The following MTMR6 variants were observed in gnomAD, a reference collection of about 807,000 sequenced individuals.
MTMR6 encodes the protein myotubularin related protein 6, also known as phosphatidylinositol-3,5-bisphosphate 3-phosphatase MTMR6.
MTMR6 carries 47 observed loss-of-function variants against 80.1 expected under a neutral mutation model. That is an observed-to-expected ratio of 0.59 (90% CI 0.46 to 0.75). The LOEUF is 0.75. MTMR6 is among the 30% of genes least tolerant of loss of function. The pLI is 0.00. For synonymous variants in MTMR6, 254 were observed against 253.0 expected (o/e 1.00, Z -0.04); for missense variants, 629 against 730.9 (o/e 0.86, Z 1.61).
At chr13:25,273,997 C>T in intron 2 of MTMR6, 74 bp downstream of exon 2, 2 of 1,074,938 alleles carry the variant, frequency 1.9e-6, no homozygotes, top group South Asian at 3.0e-5. Flanking sequence ...TTGTGTTATA[C>T]ACATTCAAAA....
At chr13:25,252,158 T>C (rs1957103472) in intron 11 of MTMR6, among the ~76,000 whole-genome samples, 174 bp from the exon 12 acceptor site, 1 of 152,242 alleles carries the variant, frequency 6.6e-6, no homozygotes, top group African/African-American at 2.4e-5. Context: ...ATTCTCCTTT[T>C]TCATTCATAA....
chr13:25,258,488 T>C, intron 7 of MTMR6, 72 bp downstream of exon 7: 4 of 1,353,428 alleles, frequency 3.0e-6, no homozygotes, highest in Non-Finnish European at 3.0e-6. Flanking sequence ...CACTGGAAAA[T>C]TCTAAATTAC....
intron 3 of MTMR6, 22 bp downstream of exon 3, chr13:25,267,756 GC>G: frequency 6.3e-7 from 1 of 1,598,870 alleles, no homozygotes; most frequent in South Asian, 1.1e-5. Flanking sequence ...GAGCATGTAA[GC>G]TTTGGTCTCT....
At chr13:25,252,254 C>A (rs947783378) in intron 11 of MTMR6, among the ~76,000 whole-genome samples, 21 of 152,286 alleles carry the variant, frequency 1.4e-4, no homozygotes, top group Non-Finnish European at 2.8e-4. Context: ...TTCCTCTCAA[C>A]TCACACAATT....
intron 2 of MTMR6, among the ~76,000 whole-genome samples, chr13:25,270,944 G>T (rs1006216433): frequency 6.6e-6 from 1 of 152,014 alleles, no homozygotes; most frequent in African/African-American, 2.4e-5. Flanking sequence ...TATGATTTAC[G>T]CCACTACTAT....
At chr13:25,283,626 T>C (rs1242770439) in intron 1 of MTMR6, among the ~76,000 whole-genome samples, 1 of 152,186 alleles carries the variant, frequency 6.6e-6, no homozygotes, top group East Asian at 1.9e-4. Context: ...ATTTGGGCCT[T>C]AGTAGGATCA....
At chr13:25,273,572 C>T (rs989305451) in intron 2 of MTMR6, among the ~76,000 whole-genome samples, 4 of 148,110 alleles carry the variant, frequency 2.7e-5, no homozygotes, top group African/African-American at 1.0e-4. Flanking sequence ...GTCACCCAGG[C>T]TGGAGTGCAA....
Position 25,265,836 on chromosome 13 carries a change from A to C in MTMR6, c.574T>G (p.Tyr192Asp). The C allele has an allele frequency of 6.2e-7, 1 of 1,613,834 alleles. No individual in the cohort carries two copies. Among genetic ancestry groups the C allele is most frequent in the Non-Finnish European group, 8.5e-7 (1 of 1,179,726 alleles). ...CATCCTACCTCCTTATCTTGATGATAGTAGGAAAGAACTGGGAATCTTCCC... is the reference window on the plus strand; with the variant it reads ...CATCCTACCTCCTTATCTTGATGATCGTAGGAAAGAACTGGGAATCTTCCC... ...SKGRFPVLSYYHQDKEAAICR... is the reference protein window; with the variant it reads ...SKGRFPVLSYDHQDKEAAICR... The change falls in exon 5 of 14, where the codon TAT becomes GAT. Residue 192 changes from tyrosine to aspartate, a missense_variant. Physicochemically the swap from Tyr to Asp is radical, Grantham distance 160. Coordinates refer to ENST00000381801, the MANE Select transcript of MTMR6 (RefSeq NM_004685.5).
At chr13:25,259,292 C>T (rs1230662739) in intron 6 of MTMR6, among the ~76,000 whole-genome samples, 1 of 152,176 alleles carries the variant, frequency 6.6e-6, no homozygotes, top group East Asian at 1.9e-4. Context: ...CAGGAAAAAA[C>T]AGATTGCTCA....
chr13:25,274,753 CTCACT>C (rs1957667337), intron 1 of MTMR6, among the ~76,000 whole-genome samples: 1 of 152,214 alleles, frequency 6.6e-6, no homozygotes, highest in South Asian at 2.1e-4. Flanking sequence ...TTCTTCAAGA[CTCACT>C]AACATCCTGC....
At chr13:25,272,068 C>T (rs546654317) in intron 2 of MTMR6, among the ~76,000 whole-genome samples, 12 of 152,198 alleles carry the variant, frequency 7.9e-5, no homozygotes, top group Non-Finnish European at 1.0e-4. Flanking sequence ...GTACTAAAGA[C>T]GAATGGAATG....
In MTMR6 at chr13:25,257,719, G is replaced by A. The variant is rs772857464; in HGVS notation, c.969+17C>T. 6.4e-7 allele frequency: 1 copy of A among 1,570,094 alleles called. No individual in the cohort carries two copies. Among genetic ancestry groups the A allele is most frequent in the South Asian group, 1.1e-5 (1 of 89,898 alleles). ...CATTATAGACCCCAAGACCAAATAT[G>A]AAAGATAAAGTATTACTTTGGCCAA... On this transcript the variant is annotated intron_variant, in intron 8 of 13. Coordinates refer to ENST00000381801, the MANE Select transcript of MTMR6 (RefSeq NM_004685.5).
rs752094741 is a variant in MTMR6 at position 25,247,183 on chromosome 13, T to C, written c.*2049A>G. 24 of 152,352 alleles carry C rather than the reference T, an allele frequency of 1.6e-4. No individual in the cohort carries two copies. The highest frequency in any genetic ancestry group is 3.4e-4 in the Non-Finnish European group (23 of 67,974). 9.4% of individuals were successfully genotyped at this position (152,352 alleles called of 1,614,324 possible). On this transcript the variant is annotated 3_prime_UTR_variant, in exon 14 of 14. Transcript: ENST00000381801. ...ACCTTATGCTGTTATGTTAATGTAA[T>C]GGGCAAGTCTACTTGCCTAGGTGAG... is the stretch of plus-strand genomic sequence containing the variant.
At chr13:25,259,087 T>C (rs973411805) in intron 6 of MTMR6, among the ~76,000 whole-genome samples, 1 of 152,170 alleles carries the variant, frequency 6.6e-6, no homozygotes, top group African/African-American at 2.4e-5. Context: ...ACCTATGAGT[T>C]TACTTCAGAA....
chr13:25,258,809 A>G (rs1957272220), intron 6 of MTMR6, 117 bp from the exon 7 acceptor site: 1 of 754,504 alleles, frequency 1.3e-6, no homozygotes. Context: ...GGAACTCATC[A>G]AAACTGAATA....
chr13:25,246,973 G>A lies in MTMR6; in HGVS notation c.*2259C>T, dbSNP rs1183902396. The A allele has an allele frequency of 2.0e-5, 3 of 152,066 alleles. No homozygotes were observed. Among genetic ancestry groups the A allele is most frequent in the African/African-American group, 7.2e-5 (3 of 41,422 alleles). The allele number at this position is 152,066 out of a possible 1,614,324, so 9.4% of individuals were successfully genotyped here. The stretch of plus-strand genomic sequence containing the variant: ...ACCCTGCCTTCCATCAAGTTGGCAA[G>A]GGCACAAAAAAATAGTGATTGTAAT... On this transcript the variant is annotated 3_prime_UTR_variant, in exon 14 of 14. Transcript: ENST00000381801.
At chr13:25,273,629 A>G (rs555372924) in intron 2 of MTMR6, among the ~76,000 whole-genome samples, 6 of 151,032 alleles carry the variant, frequency 4.0e-5, no homozygotes, top group Non-Finnish European at 8.8e-5. Context: ...AAGTTCAAGC[A>G]ATTCTCCTGC....
At chr13:25,278,262 A>AT (rs1434946093) in intron 1 of MTMR6, among the ~76,000 whole-genome samples, 1 of 152,184 alleles carries the variant, frequency 6.6e-6, no homozygotes, top group Non-Finnish European at 1.5e-5. Context: ...TTTCTCCCAC[A>AT]TTTTAAAGGA....
Position 25,285,400 on chromosome 13 carries a change from C to A in MTMR6, c.24+1824G>T, listed in dbSNP as rs535455915. On this transcript the variant is annotated intron_variant, in intron 1 of 13. Transcript: ENST00000381801. ...TTTTATTCTTTTCCGCCCCCCCCCC[C>A]CCAATTATGTCACCCAGGCTGGAGG... Among the ~76,000 whole-genome samples, 28 of 139,198 alleles carry A rather than the reference C, an allele frequency of 2.0e-4. 1 individual carries two copies. Among genetic ancestry groups the A allele is most frequent in the Middle Eastern group, 6.5e-3 (2 of 310 alleles). 91.3% of individuals were successfully genotyped at this position (139,198 alleles called of 152,430 possible).
Sources: allele counts gnomAD v4.1 joint callset (sites outside exome capture counted in the v4.1 genomes callset), GRCh38; gene constraint gnomAD v4.1.1; transcripts MANE v1.5; gene names NCBI Gene and HGNC (gene_info 2026-07-23, HGNC 2026-07-21).